The following IFT56 variants were observed in gnomAD, a reference collection of about 807,000 sequenced individuals.
IFT56 encodes the protein intraflagellar transport 56, also known as intraflagellar transport protein 56.
chr7:139,172,216 C>T, the IFT56 span, among the ~76,000 whole-genome samples: 1 of 152,130 alleles, frequency 6.6e-6, no homozygotes, highest in Non-Finnish European at 1.5e-5. Context: ...TTGAAATAGC[C>T]TAACCTATGT....
the IFT56 span, among the ~76,000 whole-genome samples, chr7:139,157,139 CTTTTTTTTTTTTTT>C: frequency 0.029 from 2,352 of 82,316 alleles, 83 homozygotes; most frequent in Middle Eastern, 0.081. Context: ...TCTTTAATTT[CTTTTTTTTTTTTTT>C]TTTTTTTTTT....
the IFT56 span, among the ~76,000 whole-genome samples, chr7:139,181,671 A>G: frequency 6.6e-6 from 1 of 152,222 alleles, no homozygotes; most frequent in African/African-American, 2.4e-5. Flanking sequence ...TAGATGGTAT[A>G]GCCTACTATA....
the IFT56 span, among the ~76,000 whole-genome samples, chr7:139,182,154 C>A: frequency 1.3e-5 from 2 of 151,844 alleles, no homozygotes; most frequent in African/African-American, 4.8e-5. Context: ...GGGACCTAGC[C>A]TCAAAAAAAG....
At chr7:139,148,385 T>C in the IFT56 span, 2 of 1,601,154 alleles carry the variant, frequency 1.2e-6, no homozygotes, top group East Asian at 2.2e-5. Context: ...GAGGTATTGA[T>C]GGAAGTGTGT....
At chr7:139,169,928 T>G in the IFT56 span, among the ~76,000 whole-genome samples, 4 of 152,220 alleles carry the variant, frequency 2.6e-5, no homozygotes, top group Middle Eastern at 3.4e-3. Context: ...GTGTCAGGAC[T>G]GCCTGAGCCC....
the IFT56 span, chr7:139,191,663 A>C: frequency 2.0e-5 from 3 of 152,222 alleles, no homozygotes; most frequent in Admixed American, 2.0e-4. Flanking sequence ...GAGCCAAAAA[A>C]CATACATACT....
the IFT56 span, among the ~76,000 whole-genome samples, chr7:139,136,904 C>A: frequency 6.6e-6 from 1 of 152,162 alleles, no homozygotes; most frequent in African/African-American, 2.4e-5. Context: ...TTCAGGGAGA[C>A]CTCACATGAG....
chr7:139,139,442 A>C, the IFT56 span, among the ~76,000 whole-genome samples: 315 of 152,328 alleles, frequency 2.1e-3, no homozygotes, highest in Middle Eastern at 0.01. Flanking sequence ...GAAAAACAAA[A>C]CATTTAAAAA....
the IFT56 span, chr7:139,187,586 G>C: frequency 1.2e-6 from 2 of 1,601,020 alleles, no homozygotes; most frequent in Middle Eastern, 3.3e-4. Context: ...TTGCTTGTTT[G>C]TGAGGGAAAA....
At chr7:139,177,045 G>C in the IFT56 span, among the ~76,000 whole-genome samples, 1 of 151,732 alleles carries the variant, frequency 6.6e-6, no homozygotes, top group South Asian at 2.1e-4. Flanking sequence ...GGTGGTGTGT[G>C]CCTGTAATCC....
the IFT56 span, among the ~76,000 whole-genome samples, chr7:139,152,765 CCTTTTA>C: frequency 6.6e-6 from 1 of 152,042 alleles, no homozygotes; most frequent in African/African-American, 2.4e-5. Flanking sequence ...TACAATTCAC[CCTTTTA>C]AAGTGTACAG....
the IFT56 span, among the ~76,000 whole-genome samples, chr7:139,142,067 C>T: frequency 6.6e-6 from 1 of 152,202 alleles, no homozygotes; most frequent in South Asian, 2.1e-4. Context: ...GCACCTTTCT[C>T]TTCTAGTTCT....
the IFT56 span, among the ~76,000 whole-genome samples, chr7:139,185,376 C>G: frequency 6.6e-6 from 1 of 151,946 alleles, no homozygotes; most frequent in African/African-American, 2.4e-5. Flanking sequence ...TTGGAGGAAA[C>G]TAGGTGAAAG....
the IFT56 span, among the ~76,000 whole-genome samples, chr7:139,141,209 C>T: frequency 5.3e-5 from 8 of 149,714 alleles, no homozygotes; most frequent in African/African-American, 2.0e-4. Context: ...TGCAGTGAGC[C>T]GAGATTGCGC....
chr7:139,189,297 T>C, the IFT56 span: 20,990 of 1,499,516 alleles, frequency 0.014, 213 homozygotes, highest in Non-Finnish European at 0.016. Context: ...TGAAACACTT[T>C]GTCTTTTCAA....
At chr7:139,175,523 A>G in the IFT56 span, among the ~76,000 whole-genome samples, 2 of 152,186 alleles carry the variant, frequency 1.3e-5, no homozygotes, top group African/African-American at 2.4e-5. Flanking sequence ...CATATGCACA[A>G]TGGAATACTT....
At chr7:139,146,628 G>A in the IFT56 span, among the ~76,000 whole-genome samples, 10 of 152,078 alleles carry the variant, frequency 6.6e-5, no homozygotes, top group African/African-American at 1.2e-4. Context: ...TTAGCCGGGC[G>A]TGGTGGCATG....
chr7:139,163,281 G>A, the IFT56 span, among the ~76,000 whole-genome samples: 1 of 150,858 alleles, frequency 6.6e-6, no homozygotes, highest in Non-Finnish European at 1.5e-5. Context: ...GGCGAAGCTT[G>A]CAGTGAGCGA....
the IFT56 span, among the ~76,000 whole-genome samples, chr7:139,186,462 A>G: frequency 7.9e-5 from 12 of 152,136 alleles, no homozygotes; most frequent in African/African-American, 2.9e-4. Context: ...TTTTTAAATA[A>G]AAGAAAACTA....
Sources: allele counts gnomAD v4.1 joint callset (sites outside exome capture counted in the v4.1 genomes callset), GRCh38; gene constraint gnomAD v4.1.1; transcripts MANE v1.5; gene names NCBI Gene and HGNC (gene_info 2026-07-23, HGNC 2026-07-21).